The following ADK variants were observed in gnomAD, a reference collection of about 807,000 sequenced individuals.
ADK encodes the protein adenosine kinase.
In ADK, 24 loss-of-function variants were observed where a neutral mutation model predicts 44.7. The observed-to-expected ratio is 0.54, with a 90% CI of 0.39 to 0.76. The LOEUF is 0.76. ADK is among the 30% of genes least tolerant of loss of function. The probability of loss-of-function intolerance (pLI) is 0.00; values close to 1 mark genes in which losing one functional copy is unlikely to be tolerated. For missense variants in ADK, 321 were observed against 425.1 expected (o/e 0.76, Z 2.15); for synonymous variants, 128 against 142.6 (o/e 0.90, Z 0.73).
chr10:74,651,411 G>A (rs1854271000), intron 9 of ADK, among the ~76,000 whole-genome samples: 1 of 152,120 alleles, frequency 6.6e-6, no homozygotes. Flanking sequence ...CTACTCTCCT[G>A]TAGAATGGGA....
At chr10:74,170,505 A>G (rs1271723202) in intron 1 of ADK, among the ~76,000 whole-genome samples, 1 of 152,172 alleles carries the variant, frequency 6.6e-6, no homozygotes, top group Non-Finnish European at 1.5e-5. Context: ...AGCCATTTAA[A>G]AAAGATAGTA....
chr10:74,404,718 G>A (rs1843848032), intron 6 of ADK, among the ~76,000 whole-genome samples: 1 of 152,128 alleles, frequency 6.6e-6, no homozygotes, highest in Admixed American at 6.5e-5. Flanking sequence ...CAGGTGCGGT[G>A]GCTCACACCT....
intron 3 of ADK, among the ~76,000 whole-genome samples, chr10:74,304,820 C>T (rs995380882): frequency 1.3e-5 from 2 of 151,910 alleles, no homozygotes; most frequent in Admixed American, 1.3e-4. Context: ...TTTCTGTGTA[C>T]CCATTATTCA....
chr10:74,527,737 C>G (rs969390625), intron 7 of ADK: 15 of 1,545,468 alleles, frequency 9.7e-6, no homozygotes, highest in Non-Finnish European at 1.3e-5. Context: ...TATTCAGACA[C>G]CAGTTGTTTC....
At chr10:74,550,045 A>G (rs1849974582) in intron 7 of ADK, among the ~76,000 whole-genome samples, 1 of 150,104 alleles carries the variant, frequency 6.7e-6, no homozygotes, top group Admixed American at 6.7e-5. Context: ...CCATTGTCAC[A>G]TGTTAGCATA....
chr10:74,596,816 G>C lies in ADK; in HGVS notation c.763-3563G>C, dbSNP rs976463310. 2.0e-5 allele frequency among the ~76,000 whole-genome samples: 3 copies of C among 152,262 alleles called. No homozygotes were observed. In the East Asian group the frequency reaches 5.8e-4, roughly 29 times the overall value. On this transcript the variant is annotated intron_variant, in intron 8 of 10. Transcript: ENST00000539909. ...CCCGCCTCCGCCTCCCAGTGTGCTG[G>C]GATTACAGGCATGAGCCACCACGCC...
At chr10:74,415,142 C>T (rs1381857936) in intron 6 of ADK, among the ~76,000 whole-genome samples, 1 of 152,178 alleles carries the variant, frequency 6.6e-6, no homozygotes. Context: ...TTGGAAACCA[C>T]ACTATGTGCT....
chr10:74,696,008 A>G (rs555139134), intron 10 of ADK, among the ~76,000 whole-genome samples: 1 of 151,886 alleles, frequency 6.6e-6, no homozygotes, highest in South Asian at 2.1e-4. Context: ...TATGTTAAAT[A>G]GTATTGATTT....
At chr10:74,352,253 G>C (rs901162956) in intron 4 of ADK, among the ~76,000 whole-genome samples, 1 of 151,934 alleles carries the variant, frequency 6.6e-6, no homozygotes, top group Non-Finnish European at 1.5e-5. Flanking sequence ...CAGAACAGAG[G>C]CCTCAGAAAT....
intron 9 of ADK, among the ~76,000 whole-genome samples, chr10:74,630,369 T>C (rs1853367146): frequency 6.6e-6 from 1 of 152,004 alleles, no homozygotes; most frequent in African/African-American, 2.4e-5. Flanking sequence ...GATTCTACTC[T>C]GTGCTTAATA....
chr10:74,658,509 A>G (rs916045291), intron 9 of ADK, among the ~76,000 whole-genome samples: 1 of 152,098 alleles, frequency 6.6e-6, no homozygotes, highest in Non-Finnish European at 1.5e-5. Context: ...ATGGCTCACT[A>G]CAGCCCCAAC....
intron 3 of ADK, among the ~76,000 whole-genome samples, chr10:74,308,028 G>A (rs1180385316): frequency 6.6e-6 from 1 of 152,154 alleles, no homozygotes; most frequent in African/African-American, 2.4e-5. Context: ...AATTGGTTTA[G>A]TGAAATTTTG....
At chr10:74,580,178 G>A (rs367935294) in intron 7 of ADK, among the ~76,000 whole-genome samples, 25 of 152,206 alleles carry the variant, frequency 1.6e-4, no homozygotes, top group Admixed American at 7.9e-4. Flanking sequence ...GAATTCCCAC[G>A]TGTTGTGGGA....
chr10:74,606,537 G>T (rs1359371160), intron 9 of ADK, among the ~76,000 whole-genome samples: 2 of 152,174 alleles, frequency 1.3e-5, no homozygotes, highest in Non-Finnish European at 2.9e-5. Flanking sequence ...CCATGCAGTT[G>T]TGTGGTTCTG....
At chr10:74,310,030 A>G (rs1277230407) in intron 3 of ADK, among the ~76,000 whole-genome samples, 1 of 152,030 alleles carries the variant, frequency 6.6e-6, no homozygotes, top group African/African-American at 2.4e-5. Context: ...ATAATATTAC[A>G]AAGTTTATTA....
intron 9 of ADK, among the ~76,000 whole-genome samples, chr10:74,652,612 T>C (rs935639067): frequency 2.0e-5 from 3 of 151,338 alleles, no homozygotes; most frequent in Non-Finnish European, 2.9e-5. Context: ...AATCAAAAAT[T>C]AGCCGGCTGT....
chr10:74,413,151 A>G (rs1210609166), intron 6 of ADK, among the ~76,000 whole-genome samples: 1 of 152,080 alleles, frequency 6.6e-6, no homozygotes, highest in African/African-American at 2.4e-5. Flanking sequence ...GAGCAGATTT[A>G]ACATAACTCT....
intron 10 of ADK, among the ~76,000 whole-genome samples, chr10:74,671,562 T>C (rs1004200604): frequency 6.6e-6 from 1 of 152,232 alleles, no homozygotes; most frequent in Non-Finnish European, 1.5e-5. Context: ...TTATTGATAA[T>C]ATTAGAGTAC....
chr10:74,416,308 T>C (rs565677774), intron 6 of ADK, among the ~76,000 whole-genome samples: 37 of 152,008 alleles, frequency 2.4e-4, no homozygotes, highest in Admixed American at 2.1e-3. Context: ...ATCTATATAA[T>C]AGGGATCTTT....
Sources: gnomAD v4.1 joint callset for allele counts (sites outside exome capture counted in the v4.1 genomes callset) on GRCh38, gnomAD v4.1.1 for gene constraint, MANE v1.5 for transcripts, NCBI Gene and HGNC (gene_info 2026-07-23, HGNC 2026-07-21) for gene names.